Variants in PACC1 observed in about 807,000 individuals in gnomAD.
The protein encoded by PACC1 is proton-activated chloride channel.
PACC1 carries 34 observed loss-of-function variants against 39.7 expected under a neutral mutation model. That is an observed-to-expected ratio of 0.86 (90% CI 0.65 to 1.14). PACC1 has a LOEUF of 1.14. PACC1 is among the 50% of genes most tolerant of loss of function. The pLI, the probability that PACC1 is intolerant of heterozygous loss-of-function variation, is 0.00. For missense variants in PACC1, 379 were observed against 436.4 expected (o/e 0.87, Z 1.17); for synonymous variants, 127 against 160.6 (o/e 0.79, Z 1.58).
At chr1:212,380,973 T>C (rs1158875534) in intron 4 of PACC1, among the ~76,000 whole-genome samples, 1 of 152,260 alleles carries the variant, frequency 6.6e-6, no homozygotes, top group Non-Finnish European at 1.5e-5. Context: ...TCAACTTTTA[T>C]AAATAAATGC....
chr1:212,404,192 T>C (rs1001560312), intron 2 of PACC1, among the ~76,000 whole-genome samples: 21 of 151,940 alleles, frequency 1.4e-4, no homozygotes, highest in African/African-American at 4.8e-4. Context: ...CTGCAAGCTC[T>C]GCCTCCCAGG....
chr1:212,390,191 G>A (rs1253933322), intron 2 of PACC1, among the ~76,000 whole-genome samples: 4 of 152,080 alleles, frequency 2.6e-5, no homozygotes, highest in Non-Finnish European at 5.9e-5. Flanking sequence ...TTGGGAGGCT[G>A]AGGCAGGCGG....
At position 212,412,010 on chromosome 1, in the gene PACC1, G is replaced by A. The variant is rs142376851; in HGVS notation, c.37-1489C>T. Among the ~76,000 whole-genome samples, 130 of 152,140 alleles carry A rather than the reference G, an allele frequency of 8.5e-4. 2 individuals carry two copies. In the East Asian group the frequency reaches 0.017, roughly 20 times the overall value. The stretch of plus-strand genomic sequence containing the variant: ...ACAAAAATTAGCCGGGCATAATAGC[G>A]CACACCTGTAGTCCCAGCTACTTGG... On this transcript the variant is annotated intron_variant, in intron 1 of 7. Transcript: ENST00000261455.
Position 212,414,818 on chromosome 1 carries a change from C to T in PACC1, c.-61G>A. On this transcript the variant is annotated 5_prime_UTR_variant, in exon 1 of 8. Coordinates refer to ENST00000261455, the MANE Select transcript of PACC1 (RefSeq NM_018252.3). ...CCCAGCCCGCGGCGCACGGACGCAG[C>T]ACTGCGGCCGCTGCACCTGGACCTA... 3 of 1,599,772 alleles carry T rather than the reference C, an allele frequency of 1.9e-6. No individual in the cohort carries two copies. The highest frequency in any genetic ancestry group is 1.3e-5 in the African/African-American group (1 of 74,670).
At chr1:212,405,020 G>A (rs1315999165) in intron 2 of PACC1, among the ~76,000 whole-genome samples, 1 of 152,086 alleles carries the variant, frequency 6.6e-6, no homozygotes, top group Non-Finnish European at 1.5e-5. Context: ...TGATCTGCTC[G>A]CTTTGGCCTC....
chr1:212,385,567 G>T, intron 3 of PACC1, 142 bp from the exon 4 acceptor site: 1 of 865,922 alleles, frequency 1.2e-6, no homozygotes, highest in African/African-American at 1.7e-5. Context: ...GTTTCAGAGG[G>T]TGAGGAGCCA....
chr1:212,410,670 G>A (rs1662093186), intron 1 of PACC1, 149 bp from the exon 2 acceptor site: 3 of 729,422 alleles, frequency 4.1e-6, no homozygotes, highest in African/African-American at 1.7e-5. Flanking sequence ...TTACAGATGA[G>A]GACACCGAAG....
chr1:212,375,202 T>G lies in PACC1; in HGVS notation c.882A>C (p.Lys294Asn). ...AATCTTAAATACTCACATCTTGGAC[T>G]TTCTGGATGAAAGGATCTTTCCATT... is the stretch of plus-strand genomic sequence containing the variant. ...VFEWKDPFIQ[K>N]VQDIVTANPW... is the part of the protein sequence containing the mutation. The change falls in exon 7 of 8, where the codon AAA becomes AAC. Residue 294 changes from lysine to asparagine, a missense_variant. Lys to Asn is a moderately conservative substitution (Grantham distance 94). Coordinates refer to ENST00000261455, the MANE Select transcript of PACC1 (RefSeq NM_018252.3). 2 of 1,613,040 alleles carry G rather than the reference T, an allele frequency of 1.2e-6. No individual in the cohort carries two copies. The highest frequency in any genetic ancestry group is 8.5e-7 in the Non-Finnish European group (1 of 1,179,046).
chr1:212,365,737 TGAG>T (rs917702757), intron 7 of PACC1, among the ~76,000 whole-genome samples: 2 of 152,236 alleles, frequency 1.3e-5, no homozygotes, highest in African/African-American at 4.8e-5. Context: ...TAGCTCAGTT[TGAG>T]GAGAAAAATA....
intron 4 of PACC1, among the ~76,000 whole-genome samples, chr1:212,381,153 C>T (rs1267452286): frequency 2.6e-5 from 4 of 152,132 alleles, no homozygotes; most frequent in Non-Finnish European, 5.9e-5. Context: ...GTGTTTAAAT[C>T]GTGCTCTAAA....
intron 6 of PACC1, 28 bp from the exon 7 acceptor site, chr1:212,375,328 T>G: frequency 6.6e-7 from 1 of 1,524,394 alleles, no homozygotes; most frequent in Non-Finnish European, 9.1e-7. Flanking sequence ...AAAGCAGTGT[T>G]ACCACCTCTG....
chr1:212,377,480 C>G (rs1336923949), intron 6 of PACC1, 82 bp downstream of exon 6: 8 of 1,578,846 alleles, frequency 5.1e-6, no homozygotes, highest in Non-Finnish European at 6.0e-6. Context: ...TCAAAGGAGC[C>G]TTCTCTGCAA....
At chr1:212,377,524 A>C (rs372704185) in intron 6 of PACC1, 38 bp downstream of exon 6, 6 of 1,612,000 alleles carry the variant, frequency 3.7e-6, no homozygotes, top group Non-Finnish European at 5.1e-6. Flanking sequence ...AATGTGGAAA[A>C]GTCACCAGCA....
At chr1:212,374,840 C>T (rs980497856) in intron 7 of PACC1, among the ~76,000 whole-genome samples, 1 of 152,168 alleles carries the variant, frequency 6.6e-6, no homozygotes, top group Non-Finnish European at 1.5e-5. Flanking sequence ...ATGCTTTCTA[C>T]TCAATTTATT....
In PACC1 at chr1:212,377,665, T is replaced by G. The variant is rs753145538; in HGVS notation, c.680A>C (p.Tyr227Ser). Residue 227 changes from tyrosine (Y) to serine (S), a missense_variant, in exon 6 of 8, where the codon TAT becomes TCT. Coordinates refer to ENST00000261455, the MANE Select transcript of PACC1 (RefSeq NM_018252.3). ...GCCCCCAGAGAACTTCCAGCTGGAA[T>G]AGGCACTCTCACAGGCCTGCATGAA... ...VGFMQACESA[Y>S]SSWKFSGGFR... 2.5e-6 allele frequency: 4 copies of G among 1,614,028 alleles called. No homozygotes were observed. Among genetic ancestry groups the G allele is most frequent in the East Asian group, 4.5e-5 (2 of 44,902 alleles).
intron 2 of PACC1, among the ~76,000 whole-genome samples, chr1:212,396,460 T>C (rs1015881046): frequency 1.3e-5 from 2 of 151,958 alleles, no homozygotes; most frequent in African/African-American, 2.4e-5. Flanking sequence ...GGGGTAGGGA[T>C]AGCATTAGGA....
chr1:212,377,792 TGCTGGCACAACCA>T, intron 5 of PACC1, 86 bp from the exon 6 acceptor site: 1 of 1,509,096 alleles, frequency 6.6e-7, no homozygotes, highest in Non-Finnish European at 9.0e-7. Context: ...CTGGTTTCTT[TGCTGGCACAACCA>T]GGATGCTGCC....
At chr1:212,385,209 G>C in intron 4 of PACC1, 65 bp downstream of exon 4, 1 of 1,591,018 alleles carries the variant, frequency 6.3e-7, no homozygotes, top group Non-Finnish European at 8.6e-7. Flanking sequence ...AAGGAAACTT[G>C]GGGCCTTGGG....
At chr1:212,400,347 T>C (rs984036947) in intron 2 of PACC1, among the ~76,000 whole-genome samples, 8 of 152,154 alleles carry the variant, frequency 5.3e-5, no homozygotes, top group Non-Finnish European at 1.0e-4. Flanking sequence ...ATTCTAAAAA[T>C]AGGCATAAAA....
Sources: gnomAD v4.1 joint callset for allele counts (sites outside exome capture counted in the v4.1 genomes callset) on GRCh38, gnomAD v4.1.1 for gene constraint, MANE v1.5 for transcripts, NCBI Gene and HGNC (gene_info 2026-07-23, HGNC 2026-07-21) for gene names.